SNTG1: variants seen among roughly 807,000 people sequenced by gnomAD.
SNTG1 encodes gamma-1-syntrophin.
SNTG1 carries 39 observed loss-of-function variants against 74.7 expected under a neutral mutation model. The ratio of observed to expected loss-of-function variants is 0.52; its 90% CI spans 0.40 to 0.68. SNTG1 has a LOEUF of 0.68. SNTG1 is among the 30% of genes least tolerant of loss of function. The pLI, the probability that SNTG1 is intolerant of heterozygous loss-of-function variation, is 0.00. For missense variants in SNTG1, 685 were observed against 609.5 expected (o/e 1.12, Z -1.30); for synonymous variants, 254 against 217.1 (o/e 1.17, Z -1.49).
At chr8:50,254,617 C>A (rs1469250399) in intron 2 of SNTG1, among the ~76,000 whole-genome samples, 1 of 152,036 alleles carries the variant, frequency 6.6e-6, no homozygotes, top group Non-Finnish European at 1.5e-5. Context: ...AGACTGAGGC[C>A]AGTGAATTAC....
chr8:50,160,122 G>A (rs894933437), intron 1 of SNTG1, among the ~76,000 whole-genome samples: 1 of 152,106 alleles, frequency 6.6e-6, no homozygotes, highest in Non-Finnish European at 1.5e-5. Context: ...ACATGCTCTT[G>A]GGCATTGCAC....
intron 1 of SNTG1, among the ~76,000 whole-genome samples, chr8:50,052,039 C>A (rs1193671479): frequency 6.6e-6 from 1 of 151,946 alleles, no homozygotes; most frequent in African/African-American, 2.4e-5. Flanking sequence ...AGCTTTTTTG[C>A]AGAAATTGAG....
intron 1 of SNTG1, among the ~76,000 whole-genome samples, chr8:49,961,271 A>G (rs1053604240): frequency 6.6e-6 from 1 of 152,180 alleles, no homozygotes; most frequent in Non-Finnish European, 1.5e-5. Context: ...TGCTACTAAC[A>G]TTGATATTTT....
At position 50,268,635 on chromosome 8, in the gene SNTG1, A is replaced by G. The variant is rs181468134; in HGVS notation, c.-28+96000A>G. Among the ~76,000 whole-genome samples the G allele has an allele frequency of 3.4e-4, 51 of 150,044 alleles. 1 individual carries two copies. Among genetic ancestry groups the G allele is most frequent in the Admixed American group, 2.4e-3 (35 of 14,672 alleles). ...CAGTAGAGAACCTAAGAATACGTATACATACTCATACATATTCAATTTTTT... is the reference window on the plus strand; with the variant it reads ...CAGTAGAGAACCTAAGAATACGTATGCATACTCATACATATTCAATTTTTT... On this transcript the variant is annotated intron_variant, in intron 2 of 18. Transcript: ENST00000642720.
intron 13 of SNTG1, among the ~76,000 whole-genome samples, chr8:50,626,209 C>A (rs182180946): frequency 6.6e-6 from 1 of 152,118 alleles, no homozygotes; most frequent in African/African-American, 2.4e-5. Context: ...CTATGAATTT[C>A]TTCTTGGAAT....
intron 1 of SNTG1, among the ~76,000 whole-genome samples, chr8:50,122,921 T>A (rs2081043262): frequency 7.0e-6 from 1 of 142,470 alleles, no homozygotes; most frequent in African/African-American, 2.5e-5. Flanking sequence ...ATACATTTAT[T>A]TAACAAATAT....
chr8:50,689,602 T>C (rs540440056), intron 15 of SNTG1, among the ~76,000 whole-genome samples: 1 of 144,458 alleles, frequency 6.9e-6, no homozygotes, highest in East Asian at 2.0e-4. Context: ...TGAAGCCCAC[T>C]TGATCATGGT....
At chr8:50,292,396 G>A (rs2089161378) in intron 2 of SNTG1, among the ~76,000 whole-genome samples, 1 of 152,164 alleles carries the variant, frequency 6.6e-6, no homozygotes, top group Non-Finnish European at 1.5e-5. Context: ...GGTCAATGAT[G>A]CTGCGGTCCT....
At chr8:50,160,262 CGTT>C (rs1338136887) in intron 1 of SNTG1, among the ~76,000 whole-genome samples, 3 of 152,040 alleles carry the variant, frequency 2.0e-5, no homozygotes, top group Non-Finnish European at 4.4e-5. Context: ...GACACATAAA[CGTT>C]GTTACAGCAA....
chr8:50,577,855 G>A (rs1201859987), intron 12 of SNTG1, among the ~76,000 whole-genome samples: 1 of 152,100 alleles, frequency 6.6e-6, no homozygotes, highest in Non-Finnish European at 1.5e-5. Flanking sequence ...AAAGAAAGAG[G>A]TTAAATCAGC....
intron 9 of SNTG1, among the ~76,000 whole-genome samples, chr8:50,510,943 C>A (rs569757441): frequency 6.6e-6 from 1 of 152,170 alleles, no homozygotes; most frequent in South Asian, 2.1e-4. Context: ...TTAGTTATTT[C>A]TTGCTTTCTG....
chr8:50,135,025 C>CA (rs1460679278), intron 1 of SNTG1, among the ~76,000 whole-genome samples: 1 of 152,118 alleles, frequency 6.6e-6, no homozygotes, highest in Non-Finnish European at 1.5e-5. Flanking sequence ...TCCACAGGTT[C>CA]AATTATGTCA....
chr8:49,982,375 C>T (rs141494312), intron 1 of SNTG1, among the ~76,000 whole-genome samples: 1 of 151,832 alleles, frequency 6.6e-6, no homozygotes, highest in South Asian at 2.1e-4. Flanking sequence ...CCCATCTGCT[C>T]CTTGGTAGAC....
intron 17 of SNTG1, among the ~76,000 whole-genome samples, chr8:50,727,271 C>G (rs187421496): frequency 6.6e-6 from 1 of 151,952 alleles, no homozygotes. Flanking sequence ...CTGACAATCC[C>G]TAAAATAAAT....
At chr8:50,492,631 A>T (rs577317335) in intron 8 of SNTG1, among the ~76,000 whole-genome samples, 1 of 152,120 alleles carries the variant, frequency 6.6e-6, no homozygotes, top group East Asian at 1.9e-4. Context: ...TAGATTCTGG[A>T]TATTAGTCCT....
intron 1 of SNTG1, among the ~76,000 whole-genome samples, chr8:50,107,708 G>A (rs2080430743): frequency 6.6e-6 from 1 of 151,770 alleles, no homozygotes; most frequent in Non-Finnish European, 1.5e-5. Context: ...CTGCAAACAT[G>A]CCCAGCTAAT....
chr8:50,433,306 A>G (rs1340754537), intron 4 of SNTG1, among the ~76,000 whole-genome samples: 1 of 152,042 alleles, frequency 6.6e-6, no homozygotes, highest in East Asian at 1.9e-4. Flanking sequence ...ATAGTCCTCT[A>G]TTTTTGTTCA....
intron 8 of SNTG1, among the ~76,000 whole-genome samples, chr8:50,456,334 C>T (rs73583447): frequency 0.027 from 4,183 of 152,152 alleles, 183 homozygotes; most frequent in African/African-American, 0.095. Context: ...TCTAGTCCAT[C>T]CCCTCAGCTG....
chr8:50,687,137 G>A (rs1332101739), intron 15 of SNTG1, among the ~76,000 whole-genome samples: 7 of 121,072 alleles, frequency 5.8e-5, no homozygotes, highest in Non-Finnish European at 8.0e-5. Context: ...GCGAGACTCC[G>A]TCTCAAAAAA....
Sources: gnomAD v4.1 joint callset for allele counts (sites outside exome capture counted in the v4.1 genomes callset) on GRCh38, gnomAD v4.1.1 for gene constraint, MANE v1.5 for transcripts, NCBI Gene and HGNC (gene_info 2026-07-23, HGNC 2026-07-21) for gene names.